The following UNC5C variants were observed in gnomAD, a reference collection of about 807,000 sequenced individuals.
The protein encoded by UNC5C is netrin receptor UNC5C.
A neutral mutation model predicts 99.8 loss-of-function variants in UNC5C; 47 were observed. The ratio of observed to expected loss-of-function variants is 0.47; its 90% CI spans 0.37 to 0.60. UNC5C has a LOEUF of 0.60. UNC5C is among the 20% of genes least tolerant of loss of function. The probability of loss-of-function intolerance (pLI) is 0.00; values close to 1 mark genes in which losing one functional copy is unlikely to be tolerated. For missense variants in UNC5C, 1,062 were observed against 1,165.9 expected (o/e 0.91, Z 1.30); for synonymous variants, 487 against 452.2 (o/e 1.08, Z -0.98).
chr4:95,467,104 C>G (rs1002387370), intron 1 of UNC5C, among the ~76,000 whole-genome samples: 9 of 152,142 alleles, frequency 5.9e-5, no homozygotes, highest in African/African-American at 2.2e-4. Flanking sequence ...GATCCTCCAG[C>G]CCTGGTCAAG....
intron 7 of UNC5C, among the ~76,000 whole-genome samples, chr4:95,231,623 C>A (rs186502313): frequency 6.6e-6 from 1 of 151,984 alleles, no homozygotes; most frequent in African/African-American, 2.4e-5. Flanking sequence ...AATTTTTTCA[C>A]CCCAATTACA....
chr4:95,339,231 G>A (rs967266379), intron 1 of UNC5C, among the ~76,000 whole-genome samples: 2 of 152,098 alleles, frequency 1.3e-5, no homozygotes, highest in African/African-American at 4.8e-5. Flanking sequence ...AAGGGAAGGT[G>A]TGTGACTTTA....
chr4:95,356,963 G>C (rs962607407), intron 1 of UNC5C, among the ~76,000 whole-genome samples: 1 of 152,108 alleles, frequency 6.6e-6, no homozygotes, highest in Non-Finnish European at 1.5e-5. Context: ...GGTATTAAGG[G>C]GAAGACCTTC....
At chr4:95,185,682 A>T (rs1245050152) in intron 12 of UNC5C, among the ~76,000 whole-genome samples, 1 of 152,194 alleles carries the variant, frequency 6.6e-6, no homozygotes, top group Non-Finnish European at 1.5e-5. Context: ...AAAAATTAGA[A>T]CCTGTTTTAG....
rs369687881 is a variant in UNC5C at position 95,250,470 on chromosome 4, C to T, written c.775+17G>A. On this transcript the variant is annotated intron_variant, in intron 5 of 15. Coordinates refer to ENST00000453304, the MANE Select transcript of UNC5C (RefSeq NM_003728.4). ...AGTTAAACATGAACTAGATTGAGACCCTGAAGGGCCACTCACCATAGACTA... is the reference window on the plus strand; with the variant it reads ...AGTTAAACATGAACTAGATTGAGACTCTGAAGGGCCACTCACCATAGACTA... 8.3e-5 allele frequency: 134 copies of T among 1,609,900 alleles called. No homozygotes were observed. The African/African-American group carries it at 1.7e-3, about 20-fold the overall frequency.
intron 1 of UNC5C, among the ~76,000 whole-genome samples, chr4:95,464,665 A>G (rs1028196981): frequency 1.3e-5 from 2 of 152,198 alleles, no homozygotes; most frequent in Admixed American, 1.3e-4. Flanking sequence ...TTTCATATCT[A>G]TTTGTAACCA....
chr4:95,346,227 A>G (rs1743767306), intron 1 of UNC5C, among the ~76,000 whole-genome samples: 1 of 152,024 alleles, frequency 6.6e-6, no homozygotes, highest in Non-Finnish European at 1.5e-5. Context: ...CCAAGATTGA[A>G]ACATGAAGAA....
chr4:95,193,483 C>G (rs939361755), intron 12 of UNC5C, among the ~76,000 whole-genome samples: 4 of 152,294 alleles, frequency 2.6e-5, no homozygotes, highest in Admixed American at 1.3e-4. Flanking sequence ...TGCAGCATGC[C>G]ACTCATATGA....
chr4:95,340,067 T>C (rs1344242847), intron 1 of UNC5C, among the ~76,000 whole-genome samples: 1 of 152,092 alleles, frequency 6.6e-6, no homozygotes, highest in Non-Finnish European at 1.5e-5. Context: ...CTGTTTCATT[T>C]ATACCCAAGA....
At chr4:95,316,680 A>G (rs1050147944) in intron 2 of UNC5C, among the ~76,000 whole-genome samples, 3 of 152,200 alleles carry the variant, frequency 2.0e-5, no homozygotes, top group African/African-American at 7.2e-5. Flanking sequence ...AATCCCTTTT[A>G]GCTTGTATTC....
rs1735858746 is a variant in UNC5C, at chr4:95,166,418, C to T, written c.*2816G>A. On this transcript the variant is annotated 3_prime_UTR_variant, in exon 16 of 16. Transcript: ENST00000453304. Reference sequence around the variant, plus strand: ...CATTAAGGGTTCTGACAGATGAGTACCTCACACACGAAATCAATCACTTTT... The same window carrying T: ...CATTAAGGGTTCTGACAGATGAGTATCTCACACACGAAATCAATCACTTTT... 1 of 152,130 alleles carries T rather than the reference C, an allele frequency of 6.6e-6. No homozygotes were observed. The allele number at this position is 152,130 out of a possible 1,614,324, so 9.4% of individuals were successfully genotyped here. A position where few individuals can be genotyped will look rare whatever the true frequency, so the allele number is the denominator to read the frequency against.
At chr4:95,282,963 T>C (rs1259461018) in intron 3 of UNC5C, among the ~76,000 whole-genome samples, 1 of 152,120 alleles carries the variant, frequency 6.6e-6, no homozygotes, top group Non-Finnish European at 1.5e-5. Context: ...TGGGGAAGAA[T>C]GGACTGAGAG....
At chr4:95,520,747 G>A (rs564285078) in intron 1 of UNC5C, among the ~76,000 whole-genome samples, 4 of 151,366 alleles carry the variant, frequency 2.6e-5, no homozygotes, top group African/African-American at 7.3e-5. Context: ...TACAGGTGCC[G>A]GCCACCACGC....
chr4:95,415,898 A>T lies in UNC5C; in HGVS notation c.125-80267T>A, dbSNP rs74392417. The stretch of plus-strand genomic sequence containing the variant: ...CCACATTTCAAGTGCCTTGAAAGTC[A>T]CTTTTTAAAATTGTTGTTTTTTTTT... On this transcript the variant is annotated intron_variant, in intron 1 of 15. Transcript: ENST00000453304. 5.0e-3 allele frequency among the ~76,000 whole-genome samples: 761 copies of T among 151,908 alleles called. 6 individuals are homozygous for T. Among genetic ancestry groups the T allele is most frequent in the Middle Eastern group, 0.027 (8 of 294 alleles).
intron 2 of UNC5C, among the ~76,000 whole-genome samples, chr4:95,322,099 A>T (rs1452143814): frequency 1.3e-5 from 2 of 152,246 alleles, no homozygotes; most frequent in Non-Finnish European, 2.9e-5. Flanking sequence ...ATAAAAAATT[A>T]TGGAATGAGG....
At chr4:95,458,325 T>C (rs984315491) in intron 1 of UNC5C, among the ~76,000 whole-genome samples, 1 of 152,096 alleles carries the variant, frequency 6.6e-6, no homozygotes, top group African/African-American at 2.4e-5. Context: ...GTCTGTATCA[T>C]ATCTATTAAT....
At chr4:95,330,902 G>C (rs941882340) in intron 2 of UNC5C, among the ~76,000 whole-genome samples, 2 of 151,876 alleles carry the variant, frequency 1.3e-5, no homozygotes, top group South Asian at 2.1e-4. Flanking sequence ...GGCTTTTGGG[G>C]TATCCATCAC....
At chr4:95,206,116 T>A (rs1338916944) in intron 11 of UNC5C, among the ~76,000 whole-genome samples, 2 of 151,824 alleles carry the variant, frequency 1.3e-5, no homozygotes, top group Admixed American at 1.3e-4. Context: ...TTCTCCTGCC[T>A]CAGCCTCCCG....
chr4:95,455,090 T>C (rs1747391226), intron 1 of UNC5C, among the ~76,000 whole-genome samples: 1 of 152,048 alleles, frequency 6.6e-6, no homozygotes, highest in African/African-American at 2.4e-5. Flanking sequence ...GAAAAATGTA[T>C]AGAGTACATG....
Sources: gnomAD v4.1 joint callset for allele counts (sites outside exome capture counted in the v4.1 genomes callset) on GRCh38, gnomAD v4.1.1 for gene constraint, MANE v1.5 for transcripts, NCBI Gene and HGNC (gene_info 2026-07-23, HGNC 2026-07-21) for gene names.